Variants in PRPF38B observed in about 807,000 individuals in gnomAD.
The protein encoded by PRPF38B is pre-mRNA-splicing factor 38B.
In PRPF38B, 18 loss-of-function variants were observed where a neutral mutation model predicts 67.2. The ratio of observed to expected loss-of-function variants is 0.27; its 90% CI spans 0.19 to 0.40. The LOEUF is 0.40. PRPF38B is among the 10% of genes least tolerant of loss of function. The probability of loss-of-function intolerance (pLI) is 1.00; values close to 1 mark genes in which losing one functional copy is unlikely to be tolerated. For synonymous variants in PRPF38B, 246 were observed against 234.2 expected (o/e 1.05, Z -0.46); for missense variants, 544 against 684.9 (o/e 0.79, Z 2.30).
chr1:108,692,353 G>C lies in PRPF38B; in HGVS notation c.-239G>C, dbSNP rs1349218446. On this transcript the variant is annotated 5_prime_UTR_variant, in exon 1 of 6. Coordinates refer to ENST00000370025, the MANE Select transcript of PRPF38B (RefSeq NM_018061.4). ...GTTGGCGGAAGAGATCGAGCTCCCT[G>C]GCTGCCGGCTCGCCTTCTGCGTGGA... 2.2e-5 allele frequency: 12 copies of C among 557,980 alleles called. No homozygotes were observed. The East Asian group carries it at 3.1e-4, about 14-fold the overall frequency. 34.6% of individuals were successfully genotyped at this position (557,980 alleles called of 1,614,324 possible). A position where few individuals can be genotyped will look rare whatever the true frequency, so the allele number is the denominator to read the frequency against.
chr1:108,692,644 C>G lies in PRPF38B; in HGVS notation c.53C>G (p.Ala18Gly), dbSNP rs1253119719. ...LTGNSQPQHQ[A>G]AAAAAQQQQQ... ...GGCAACTCGCAGCCGCAGCACCAGG[C>G]GGCTGCAGCTGCGGCTCAGCAACAG... The change falls in exon 1 of 6, where the codon GCG becomes GGG. Residue 18 changes from alanine to glycine, a missense_variant. Transcript: ENST00000370025. 1 of 1,610,644 alleles carries G rather than the reference C, an allele frequency of 6.2e-7. No homozygotes were observed. The highest frequency in any genetic ancestry group is 2.2e-5 in the East Asian group (1 of 44,772).
intron 1 of PRPF38B, among the ~76,000 whole-genome samples, chr1:108,693,943 C>G (rs573463763): frequency 5.7e-4 from 86 of 152,194 alleles, no homozygotes; most frequent in Admixed American, 1.9e-3. Flanking sequence ...ACAGACCGCA[C>G]AAAGTGTTTT....
intron 1 of PRPF38B, chr1:108,693,622 A>G (rs1659551104): frequency 8.1e-6 from 8 of 984,368 alleles, no homozygotes; most frequent in African/African-American, 1.7e-5. Context: ...GGCTCGGAGC[A>G]GCCCAGGGTC....
chr1:108,699,997 A>G lies in PRPF38B; in HGVS notation c.1618A>G (p.Lys540Glu). Residue 540 changes from lysine to glutamate, a missense_variant, in exon 6 of 6, where the codon AAA becomes GAA. This residue lies in a region of PRPF38B where 387 missense variants were observed against 386.1 expected (regional missense o/e 1.00). Transcript: ENST00000370025. ...IEQESQEKQH[K>E]NKDETV is the part of the protein sequence containing the mutation. The stretch of plus-strand genomic sequence containing the variant: ...ACAAGAGAGCCAAGAAAAACAGCAT[A>G]AAAACAAAGATGAGACTGTGTGAAA... The G allele has an allele frequency of 1.3e-6, 2 of 1,591,044 alleles. No homozygotes were observed. Among genetic ancestry groups the G allele is most frequent in the Non-Finnish European group, 1.7e-6 (2 of 1,173,052 alleles).
At chr1:108,694,025 C>T (rs1659607862) in intron 1 of PRPF38B, among the ~76,000 whole-genome samples, 1 of 152,128 alleles carries the variant, frequency 6.6e-6, no homozygotes, top group Admixed American at 6.5e-5. Flanking sequence ...CCTTTTCCCC[C>T]AGTTGAGTAA....
intron 1 of PRPF38B, among the ~76,000 whole-genome samples, 199 bp downstream of exon 1, chr1:108,693,066 G>T (rs1659486037): frequency 6.6e-6 from 1 of 152,156 alleles, no homozygotes; most frequent in Non-Finnish European, 1.5e-5. Context: ...GATTTTTAGG[G>T]CCGGGAGAGC....
chr1:108,694,027 G>C (rs1181309481), intron 1 of PRPF38B, among the ~76,000 whole-genome samples: 1 of 152,168 alleles, frequency 6.6e-6, no homozygotes, highest in Non-Finnish European at 1.5e-5. Flanking sequence ...TTTTCCCCCA[G>C]TTGAGTAATT....
intron 4 of PRPF38B, chr1:108,697,787 T>A (rs1333325019): frequency 6.6e-6 from 1 of 152,250 alleles, no homozygotes; most frequent in East Asian, 1.9e-4. Flanking sequence ...CTATTTAAGC[T>A]AACTTATTGT....
chr1:108,696,850 A>G (rs1659908188), intron 4 of PRPF38B: 1 of 658,676 alleles, frequency 1.5e-6, no homozygotes, highest in Admixed American at 2.6e-5. Flanking sequence ...TGACTTGTTC[A>G]AGGTGACAAA....
At chr1:108,696,665 C>T in intron 4 of PRPF38B, 1 of 708,860 alleles carries the variant, frequency 1.4e-6, no homozygotes. Context: ...GGGGCATGCT[C>T]AAGATCGAAC....
chr1:108,692,515 A>G lies in PRPF38B; in HGVS notation c.-77A>G. ...GACGTTCGATGGAGTAGGGTCCCAG[A>G]CCGTTGTCCCGAAGAGCGAGATCGA... On this transcript the variant is annotated 5_prime_UTR_variant, in exon 1 of 6. Coordinates refer to ENST00000370025, the MANE Select transcript of PRPF38B (RefSeq NM_018061.4). 1 of 1,451,340 alleles carries G rather than the reference A, an allele frequency of 6.9e-7. No individual in the cohort carries two copies. The highest frequency in any genetic ancestry group is 9.1e-7 in the Non-Finnish European group (1 of 1,097,074). 89.9% of individuals were successfully genotyped at this position (1,451,340 alleles called of 1,614,324 possible).
chr1:108,697,031 GAGAGTTCA>G, intron 4 of PRPF38B: 1 of 439,256 alleles, frequency 2.3e-6, no homozygotes, highest in Non-Finnish European at 4.0e-6. Context: ...CCAACACTTC[GAGAGTTCA>G]AGACCAGCCT....
chr1:108,693,403 A>G (rs1173932614), intron 1 of PRPF38B, among the ~76,000 whole-genome samples: 2 of 151,902 alleles, frequency 1.3e-5, no homozygotes, highest in East Asian at 3.9e-4. Context: ...AGGTGTACAG[A>G]AGGCCTGGAA....
chr1:108,694,666 A>G (rs946648446), intron 1 of PRPF38B, among the ~76,000 whole-genome samples: 1 of 152,202 alleles, frequency 6.6e-6, no homozygotes, highest in Non-Finnish European at 1.5e-5. Context: ...ACGCTTTTCT[A>G]TCTAAAGCCA....
chr1:108,693,423 G>C (rs572610275), intron 1 of PRPF38B, among the ~76,000 whole-genome samples: 10 of 152,200 alleles, frequency 6.6e-5, no homozygotes, highest in Admixed American at 1.3e-4. Context: ...AATTTTCCCA[G>C]CAGGAAGTCA....
At chr1:108,698,559 G>C in intron 4 of PRPF38B, 45 bp from the exon 5 acceptor site, 1 of 1,360,156 alleles carries the variant, frequency 7.4e-7, no homozygotes, top group Non-Finnish European at 1.0e-6. Flanking sequence ...TGTATATATG[G>C]AAATACTTTT....
At chr1:108,692,971 G>A in intron 1 of PRPF38B, 104 bp downstream of exon 1, 1 of 1,434,636 alleles carries the variant, frequency 7.0e-7, no homozygotes, top group Non-Finnish European at 9.3e-7. Context: ...GTGGGTGGGG[G>A]AAGGTGGTTC....
At chr1:108,695,980 T>G in intron 2 of PRPF38B, 63 bp from the exon 3 acceptor site, 1 of 1,521,254 alleles carries the variant, frequency 6.6e-7, no homozygotes, top group Non-Finnish European at 9.0e-7. Flanking sequence ...ACAGGATTAA[T>G]CAATTGGTGT....
intron 2 of PRPF38B, 51 bp downstream of exon 2, chr1:108,695,821 T>A (rs1406859093): frequency 1.9e-5 from 30 of 1,576,864 alleles, no homozygotes; most frequent in Middle Eastern, 1.7e-4. Context: ...AATAACTAAG[T>A]TTATATTTAG....
Sources: allele counts gnomAD v4.1 joint callset (sites outside exome capture counted in the v4.1 genomes callset), GRCh38; gene constraint gnomAD v4.1.1; regional missense constraint gnomAD v4.1.1; transcripts MANE v1.5; gene names NCBI Gene and HGNC (gene_info 2026-07-23, HGNC 2026-07-21).